MROH9: variants seen among roughly 807,000 people sequenced by gnomAD.
The protein encoded by MROH9 is maestro heat-like repeat-containing protein family member 9.
In MROH9, 92 loss-of-function variants were observed where a neutral mutation model predicts 98.2. The ratio of observed to expected loss-of-function variants is 0.94; its 90% CI spans 0.79 to 1.11. The LOEUF (loss-of-function observed/expected upper bound fraction) is 1.11, where lower values mean the gene tolerates loss of function less well. MROH9 is among the 50% of genes most tolerant of loss of function. The pLI, the probability that MROH9 is intolerant of heterozygous loss-of-function variation, is 0.00. For missense variants in MROH9, 1,057 were observed against 1,014.8 expected, an observed-to-expected ratio of 1.04 and a Z score of -0.57; for synonymous variants, 397 against 368.9, an observed-to-expected ratio of 1.08 and a Z score of -0.87.
At chr1:170,981,781 T>TA (rs1251274343) in intron 8 of MROH9, among the ~76,000 whole-genome samples, 1 of 146,276 alleles carries the variant, frequency 6.8e-6, no homozygotes, top group Non-Finnish European at 1.5e-5. Flanking sequence ...GACAACCAAA[T>TA]AAAAAATAAA....
At chr1:171,034,560 A>C (rs1247439883) in intron 20 of MROH9, among the ~76,000 whole-genome samples, 1 of 152,236 alleles carries the variant, frequency 6.6e-6, no homozygotes, top group Non-Finnish European at 1.5e-5. Context: ...AGGTATGCTT[A>C]ATATTCAGAA....
chr1:171,010,347 T>A (rs1191078173), intron 15 of MROH9, among the ~76,000 whole-genome samples: 1 of 152,184 alleles, frequency 6.6e-6, no homozygotes, highest in Non-Finnish European at 1.5e-5. Context: ...TGATGGACAT[T>A]TGGGTTGGTT....
intron 8 of MROH9, among the ~76,000 whole-genome samples, chr1:170,977,227 A>G (rs890160414): frequency 5.9e-5 from 9 of 152,114 alleles, no homozygotes; most frequent in African/African-American, 2.2e-4. Context: ...ATTCTGAATT[A>G]TATTTCTGTC....
chr1:171,006,682 T>C (rs913379569), intron 15 of MROH9, among the ~76,000 whole-genome samples: 1 of 151,634 alleles, frequency 6.6e-6, no homozygotes, highest in Non-Finnish European at 1.5e-5. Flanking sequence ...TTCTTTTTTT[T>C]TTTTTTGGCT....
chr1:170,957,581 C>T (rs936398947), intron 3 of MROH9, among the ~76,000 whole-genome samples: 4 of 152,066 alleles, frequency 2.6e-5, no homozygotes, highest in African/African-American at 9.7e-5. Flanking sequence ...TGTATTATAG[C>T]TTGAAATCAT....
rs1332621892 is a variant in MROH9, at chr1:170,999,946, T to C, written c.1596+1672T>C. On this transcript the variant is annotated intron_variant, in intron 15 of 21. Transcript: ENST00000367759. ...TCCTGATTATTAATGATGTTGAGCA[T>C]TTTTTCATATGTTTGTTGGCCATCT... is the stretch of plus-strand genomic sequence containing the variant. Among the ~76,000 whole-genome samples the C allele has an allele frequency of 2.6e-5, 4 of 152,336 alleles. No individual in the cohort carries two copies. In the South Asian group the frequency reaches 6.2e-4, roughly 24 times the overall value.
chr1:171,064,362 A>G lies in MROH9; in HGVS notation c.*22A>G, dbSNP rs1207885778. The G allele has an allele frequency of 1.3e-6, 2 of 1,510,982 alleles. No homozygotes were observed. The highest frequency in any genetic ancestry group is 1.8e-6 in the Non-Finnish European group (2 of 1,133,718). The allele number at this position is 1,510,982 out of a possible 1,614,324, so 93.6% of individuals were successfully genotyped here. A position where few individuals can be genotyped will look rare whatever the true frequency, so the allele number is the denominator to read the frequency against. ...ATAGAAGAGAATGATGATGACATTC[A>G]TCATTCATAAACAATGGGAAGTCCA... On this transcript the variant is annotated 3_prime_UTR_variant, in exon 22 of 22. Transcript: ENST00000367759.
At chr1:171,057,399 T>G (rs1156595498) in intron 20 of MROH9, among the ~76,000 whole-genome samples, 1 of 151,702 alleles carries the variant, frequency 6.6e-6, no homozygotes, top group Non-Finnish European at 1.5e-5. Flanking sequence ...AAATAAGGCA[T>G]CCAGGCAAGA....
At chr1:170,939,328 T>C (rs1164666897) in intron 1 of MROH9, among the ~76,000 whole-genome samples, 2 of 152,240 alleles carry the variant, frequency 1.3e-5, no homozygotes, top group Non-Finnish European at 2.9e-5. Flanking sequence ...CTCGAAGTTC[T>C]GCCTACAGGG....
intron 7 of MROH9, among the ~76,000 whole-genome samples, chr1:170,970,727 T>A (rs1180118353): frequency 7.7e-4 from 96 of 124,442 alleles, no homozygotes; most frequent in East Asian, 4.8e-3. Context: ...TGTGTGTGTG[T>A]GTGTGAGAGA....
At chr1:171,014,968 A>G in intron 16 of MROH9, 1 of 471,624 alleles carries the variant, frequency 2.1e-6, no homozygotes, top group Non-Finnish European at 4.4e-6. Context: ...ACAATCTTAC[A>G]CTGTTTCCCA....
At position 170,959,502 on chromosome 1, in the gene MROH9, A is replaced by G. The variant is rs1489618381; in HGVS notation, c.193A>G (p.Ile65Val). 3.1e-6 allele frequency: 5 copies of G among 1,613,256 alleles called. No homozygotes were observed. Among genetic ancestry groups the G allele is most frequent in the Non-Finnish European group, 3.4e-6 (4 of 1,179,630 alleles). ...ACTGCAGTTTGAATCTCAGTTGAAG[A>G]TAATAGAGTCATCCTTTGGAATGCT... ...PLLQFESQLK[I>V]IESSFGMLVV... is the part of the protein sequence containing the mutation. The change falls in exon 5 of 22, where the codon ATA becomes GTA. Residue 65 changes from isoleucine (I) to valine (V), a missense_variant. Physicochemically the swap from Ile to Val is conservative, Grantham distance 29 (BLOSUM62 3). Coordinates refer to ENST00000367759, the MANE Select transcript of MROH9 (RefSeq NM_001163629.2).
intron 10 of MROH9, among the ~76,000 whole-genome samples, chr1:170,988,981 C>T (rs1215924905): frequency 7.2e-5 from 11 of 152,114 alleles, no homozygotes; most frequent in African/African-American, 2.7e-4. Flanking sequence ...ATTTCTTGCT[C>T]ACCTTGGAAC....
At chr1:170,942,803 C>G (rs963102137) in intron 1 of MROH9, among the ~76,000 whole-genome samples, 3 of 152,088 alleles carry the variant, frequency 2.0e-5, no homozygotes, top group African/African-American at 7.2e-5. Flanking sequence ...TTCTTTGGTT[C>G]TGGTTTTGAA....
intron 20 of MROH9, among the ~76,000 whole-genome samples, chr1:171,031,581 T>C (rs1033971909): frequency 1.3e-5 from 2 of 152,242 alleles, no homozygotes; most frequent in East Asian, 1.9e-4. Context: ...AAAATTCTTT[T>C]CTTTAACAAT....
chr1:171,049,144 A>C (rs66989953), intron 20 of MROH9, among the ~76,000 whole-genome samples: 18,343 of 152,126 alleles, frequency 0.12, 1,208 homozygotes, highest in Middle Eastern at 0.23. Flanking sequence ...ACTGCCTTGG[A>C]TGATCATTAC....
chr1:170,973,991 A>G (rs954464499), intron 8 of MROH9, among the ~76,000 whole-genome samples: 1 of 152,216 alleles, frequency 6.6e-6, no homozygotes, highest in Non-Finnish European at 1.5e-5. Context: ...AAAGACTTAT[A>G]TTGAACCTCT....
intron 3 of MROH9, among the ~76,000 whole-genome samples, chr1:170,950,783 ATATC>A (rs1234556025): frequency 6.6e-6 from 1 of 152,130 alleles, no homozygotes; most frequent in East Asian, 1.9e-4. Flanking sequence ...GGATCAAACT[ATATC>A]TATATTTTGA....
chr1:170,992,300 CTT>C lies in MROH9; in HGVS notation c.1166_1167del (p.Leu389ArgfsTer47). ...DTVTEGKRFSLDITNLMPLAA... is the reference protein window; with the variant it reads ...DTVTEGKRFSXDITNLMPLAA... ...CGTAACGGAAGGGAAACGTTTCTCT[CTT>C]GATATTACCAACTTGATGCCTTTGG... On this transcript the variant is annotated frameshift_variant, in exon 12 of 22. Coordinates refer to ENST00000367759, the MANE Select transcript of MROH9 (RefSeq NM_001163629.2). LOFTEE classifies it high-confidence loss of function. 1.2e-6 allele frequency: 2 copies of C among 1,613,388 alleles called. No homozygotes were observed. The highest frequency in any genetic ancestry group is 1.7e-6 in the Non-Finnish European group (2 of 1,179,578).
Sources: gnomAD v4.1 joint callset for allele counts (sites outside exome capture counted in the v4.1 genomes callset) on GRCh38, gnomAD v4.1.1 for gene constraint, MANE v1.5 for transcripts, NCBI Gene and HGNC (gene_info 2026-07-23, HGNC 2026-07-21) for gene names.